Variants in KALRN observed in about 807,000 individuals in gnomAD.
KALRN encodes kalirin.
KALRN carries 70 observed loss-of-function variants against 353.7 expected under a neutral mutation model. That is an observed-to-expected ratio of 0.20 (90% CI 0.16 to 0.24). The LOEUF (loss-of-function observed/expected upper bound fraction) is 0.24, where lower values mean the gene tolerates loss of function less well. KALRN is among the 10% of genes least tolerant of loss of function. KALRN has a pLI of 1.00. For synonymous variants in KALRN, 1,391 were observed against 1,434.8 expected (o/e 0.97, Z 0.69); for missense variants, 2,791 against 3,756.7 (o/e 0.74, Z 6.72).
intron 51 of KALRN, among the ~76,000 whole-genome samples, chr3:124,690,059 A>G (rs1021934180): frequency 1.4e-4 from 21 of 152,178 alleles, no homozygotes; most frequent in Admixed American, 1.2e-3. Flanking sequence ...CCTCCCCAAA[A>G]TTAGGATCCC....
At chr3:124,607,811 A>G (rs657566) in intron 34 of KALRN, among the ~76,000 whole-genome samples, 91,039 of 151,234 alleles carry the variant, frequency 0.6, 28,512 homozygotes, top group East Asian at 0.83. Flanking sequence ...AGACACGTTG[A>G]CCAGGCTGAT....
chr3:124,623,754 T>G (rs2079596060), intron 34 of KALRN, among the ~76,000 whole-genome samples: 1 of 152,204 alleles, frequency 6.6e-6, no homozygotes, highest in Non-Finnish European at 1.5e-5. Context: ...ATCAATACTT[T>G]GCATCCTTCA....
intron 16 of KALRN, among the ~76,000 whole-genome samples, chr3:124,431,857 A>G (rs1365170880): frequency 6.6e-6 from 1 of 152,210 alleles, no homozygotes; most frequent in Non-Finnish European, 1.5e-5. Flanking sequence ...ACCATCTTGG[A>G]TGTATAAACA....
intron 15 of KALRN, 22 bp from the exon 16 acceptor site, chr3:124,430,634 T>C: frequency 6.2e-7 from 1 of 1,613,516 alleles, no homozygotes; most frequent in Non-Finnish European, 8.5e-7. Flanking sequence ...CATTCACCTG[T>C]GTGCTTGTCC....
intron 1 of KALRN, among the ~76,000 whole-genome samples, chr3:124,068,675 G>A (rs1244760277): frequency 6.6e-6 from 1 of 152,190 alleles, no homozygotes; most frequent in African/African-American, 2.4e-5. Flanking sequence ...AGATGATAGA[G>A]AAGCCTGGTA....
chr3:124,491,649 G>C (rs897197919), intron 31 of KALRN: 24 of 365,854 alleles, frequency 6.6e-5, no homozygotes, highest in Non-Finnish European at 1.1e-4. Context: ...GTGTGACCAA[G>C]AGGGAAGAAA....
chr3:124,488,346 CCT>C, intron 29 of KALRN, 31 bp downstream of exon 29: 1 of 1,401,664 alleles, frequency 7.1e-7, no homozygotes, highest in East Asian at 2.3e-5. Context: ...GGGGAAGCCT[CCT>C]CTCTTCCTTG....
intron 33 of KALRN, among the ~76,000 whole-genome samples, chr3:124,544,938 A>T (rs935139296): frequency 6.6e-6 from 1 of 152,212 alleles, no homozygotes; most frequent in African/African-American, 2.4e-5. Context: ...GACCAAAGCC[A>T]CTGTGTGGCT....
At chr3:124,319,429 A>G (rs2079101442) in intron 6 of KALRN, among the ~76,000 whole-genome samples, 3 of 151,504 alleles carry the variant, frequency 2.0e-5, no homozygotes, top group Non-Finnish European at 4.4e-5. Context: ...AAAAGAGTGA[A>G]TTGATAAAAG....
At position 124,550,299 on chromosome 3, in the gene KALRN, A is replaced by T. The variant is rs1027717717; in HGVS notation, c.4936-12544A>T. On this transcript the variant is annotated intron_variant, in intron 33 of 59. Coordinates refer to ENST00000682506, the MANE Select transcript of KALRN (RefSeq NM_001388419.1). ...GCTATAGTGGAGGGAGCCGGAAGGG[A>T]GGAAGAGGAAGAGGCCTGGTACAGG... Among the ~76,000 whole-genome samples the T allele has an allele frequency of 1.7e-4, 26 of 152,098 alleles. 1 individual carries two copies. Among genetic ancestry groups the T allele is most frequent in the Non-Finnish European group, 4.4e-5 (3 of 68,034 alleles).
chr3:124,550,960 G>A (rs542518028), intron 33 of KALRN, among the ~76,000 whole-genome samples: 1 of 152,308 alleles, frequency 6.6e-6, no homozygotes, highest in South Asian at 2.1e-4. Context: ...CTGCATTCCA[G>A]CCTGGGTGAC....
chr3:124,326,571 G>A (rs973106284), intron 7 of KALRN, among the ~76,000 whole-genome samples: 1 of 152,220 alleles, frequency 6.6e-6, no homozygotes, highest in African/African-American at 2.4e-5. Context: ...TTTACATGAA[G>A]TATTTGCTAT....
intron 1 of KALRN, among the ~76,000 whole-genome samples, chr3:124,051,314 G>C (rs1429022559): frequency 6.6e-6 from 1 of 152,168 alleles, no homozygotes; most frequent in Non-Finnish European, 1.5e-5. Flanking sequence ...TTGGTGTTTT[G>C]GTCTGATAAA....
At chr3:124,530,057 GA>G (rs1196800417) in intron 33 of KALRN, among the ~76,000 whole-genome samples, 1 of 152,136 alleles carries the variant, frequency 6.6e-6, no homozygotes, top group African/African-American at 2.4e-5. Context: ...ATGAAAATGT[GA>G]GAATCAATCC....
At chr3:124,652,405 A>G (rs1200709961) in intron 38 of KALRN, among the ~76,000 whole-genome samples, 1 of 152,250 alleles carries the variant, frequency 6.6e-6, no homozygotes, top group Non-Finnish European at 1.5e-5. Flanking sequence ...TGCCATACCC[A>G]AAGGGAAATT....
chr3:124,039,357 A>G (rs781132954), intron 1 of KALRN, among the ~76,000 whole-genome samples: 11 of 152,138 alleles, frequency 7.2e-5, no homozygotes, highest in Non-Finnish European at 1.5e-4. Flanking sequence ...TTAGTATTGT[A>G]TTGTTATTTA....
intron 33 of KALRN, chr3:124,519,584 A>T: frequency 2.0e-6 from 2 of 985,344 alleles, no homozygotes; most frequent in Non-Finnish European, 1.2e-6. Context: ...AGGGATCCTT[A>T]AAAAAGTTTA....
intron 13 of KALRN, among the ~76,000 whole-genome samples, chr3:124,408,008 C>T (rs1233960181): frequency 2.6e-5 from 4 of 152,082 alleles, no homozygotes; most frequent in South Asian, 2.1e-4. Flanking sequence ...CTCCTGACCT[C>T]GTGATCCGCC....
chr3:124,356,931 C>T (rs888507903), intron 10 of KALRN, among the ~76,000 whole-genome samples: 17 of 152,142 alleles, frequency 1.1e-4, no homozygotes, highest in African/African-American at 3.6e-4. Context: ...CCCCTGGGTT[C>T]GATATTTATA....
Sources: allele counts gnomAD v4.1 joint callset (sites outside exome capture counted in the v4.1 genomes callset), GRCh38; gene constraint gnomAD v4.1.1; transcripts MANE v1.5; gene names NCBI Gene and HGNC (gene_info 2026-07-23, HGNC 2026-07-21).